The following ESYT2 variants were observed in gnomAD, a reference collection of about 807,000 sequenced individuals.
ESYT2 encodes extended synaptotagmin 2, also known as extended synaptotagmin-2.
A neutral mutation model predicts 107.2 loss-of-function variants in ESYT2; 54 were observed. The ratio of observed to expected loss-of-function variants is 0.50; its 90% CI spans 0.40 to 0.63. ESYT2 has a LOEUF of 0.63. Ranked by LOEUF, ESYT2 falls within the 30% of genes least tolerant of loss-of-function variation. ESYT2 has a pLI of 0.00. For missense variants in ESYT2, 1,020 were observed against 1,094.5 expected (o/e 0.93, Z 0.96); for synonymous variants, 491 against 434.1 (o/e 1.13, Z -1.63).
At chr7:158,822,634 A>T (rs1460849355) in intron 1 of ESYT2, among the ~76,000 whole-genome samples, 1 of 152,006 alleles carries the variant, frequency 6.6e-6, no homozygotes, top group Non-Finnish European at 1.5e-5. Flanking sequence ...ATATAAAATT[A>T]AAAAATAAAT....
At chr7:158,808,484 A>C (rs1839898580) in intron 1 of ESYT2, among the ~76,000 whole-genome samples, 1 of 152,262 alleles carries the variant, frequency 6.6e-6, no homozygotes, top group South Asian at 2.1e-4. Flanking sequence ...AAGAGAAGCC[A>C]TTGAGTGCTT....
intron 8 of ESYT2, among the ~76,000 whole-genome samples, chr7:158,765,665 G>A (rs1838132243): frequency 6.6e-6 from 1 of 152,180 alleles, no homozygotes; most frequent in Admixed American, 6.5e-5. Flanking sequence ...GAACCCAGGA[G>A]GCAGAGCTTG....
chr7:158,770,555 C>T (rs1035231238), intron 7 of ESYT2, among the ~76,000 whole-genome samples: 1 of 151,570 alleles, frequency 6.6e-6, no homozygotes, highest in Non-Finnish European at 1.5e-5. Flanking sequence ...CACTCTGTCG[C>T]CCAGGCTGGA....
At chr7:158,793,614 T>C (rs775935617) in intron 4 of ESYT2, 36 bp downstream of exon 4, 1 of 1,488,248 alleles carries the variant, frequency 6.7e-7, no homozygotes, top group Non-Finnish European at 9.4e-7. Flanking sequence ...TTACACGCCA[T>C]TAACCATAAC....
intron 6 of ESYT2, among the ~76,000 whole-genome samples, chr7:158,786,391 TTAAACA>T (rs1367026386): frequency 1.3e-5 from 2 of 152,186 alleles, no homozygotes; most frequent in African/African-American, 4.8e-5. Context: ...AGTTCGTTTC[TTAAACA>T]TAGAGGACTT....
rs554343222 is a variant in ESYT2, at chr7:158,741,085, G to A, written c.2168+438C>T. Among the ~76,000 whole-genome samples, 44 of 152,314 alleles carry A rather than the reference G, an allele frequency of 2.9e-4. No homozygotes were observed. The East Asian group carries it at 3.7e-3, about 13-fold the overall frequency. The stretch of plus-strand genomic sequence containing the variant: ...CACAGACATCCGAAGACAAACAAAA[G>A]AGACTGAGCAACAGGGATGGGATCC... On this transcript the variant is annotated intron_variant, in intron 18 of 22. Transcript: ENST00000275418.
At chr7:158,781,667 G>C (rs1250654745) in intron 6 of ESYT2, among the ~76,000 whole-genome samples, 1 of 151,924 alleles carries the variant, frequency 6.6e-6, no homozygotes, top group East Asian at 2.0e-4. Flanking sequence ...GTGAGAACAA[G>C]TGTGAGTGAA....
chr7:158,755,842 GA>G (rs1213830054), intron 13 of ESYT2, among the ~76,000 whole-genome samples: 1 of 151,556 alleles, frequency 6.6e-6, no homozygotes, highest in Non-Finnish European at 1.5e-5. Flanking sequence ...ACAGGGCGGG[GA>G]ACATCACATA....
In ESYT2 at chr7:158,798,799, G is replaced by A. The variant is rs189150573; in HGVS notation, c.372+232C>T. Among the ~76,000 whole-genome samples, 366 of 152,138 alleles carry A rather than the reference G, an allele frequency of 2.4e-3. 1 individual carries two copies. Among genetic ancestry groups the A allele is most frequent in the Non-Finnish European group, 4.0e-3 (273 of 68,014 alleles). On this transcript the variant is annotated intron_variant, in intron 2 of 22. Transcript: ENST00000275418. ...TCAGAAAAGAAGACACATGGCCAGA[G>A]ACACAAATATGCACATGCCTATACT...
chr7:158,760,212 A>C (rs962341663), intron 11 of ESYT2, 65 bp from the exon 12 acceptor site: 22 of 1,448,548 alleles, frequency 1.5e-5, no homozygotes, highest in Non-Finnish European at 2.0e-5. Flanking sequence ...AATTAAACCC[A>C]GTCTCTACAA....
intron 1 of ESYT2, among the ~76,000 whole-genome samples, chr7:158,810,688 G>GAGA (rs1554425885): frequency 3.3e-5 from 5 of 149,566 alleles, no homozygotes; most frequent in African/African-American, 4.9e-5. Flanking sequence ...TCTTGGGGGG[G>GAGA]AAAAAAAAAG....
At chr7:158,752,864 G>A (rs927301265) in intron 13 of ESYT2, 21 bp from the exon 14 acceptor site, 151 of 1,291,590 alleles carry the variant, frequency 1.2e-4, no homozygotes, top group Non-Finnish European at 1.4e-4. Context: ...AGAAGAAAAC[G>A]AATATGCCAA....
chr7:158,828,406 G>A (rs1416598073), intron 1 of ESYT2, among the ~76,000 whole-genome samples: 1 of 152,278 alleles, frequency 6.6e-6, no homozygotes, highest in African/African-American at 2.4e-5. Flanking sequence ...AGGCCCCTAA[G>A]GAGACCCCGC....
rs139838263 is a variant in ESYT2 at position 158,821,659 on chromosome 7, G to A, written c.330+7430C>T. 2.9e-3 allele frequency among the ~76,000 whole-genome samples: 447 copies of A among 152,228 alleles called. 4 individuals are homozygous for A. Among genetic ancestry groups the A allele is most frequent in the Non-Finnish European group, 4.0e-3 (274 of 68,014 alleles). On this transcript the variant is annotated intron_variant, in intron 1 of 22. Transcript: ENST00000275418. ...ACTCCTCCCAGGTCATGGGGACCTG[G>A]GCTGGGGTCTAGTGGGACCACTTCC...
chr7:158,765,368 C>T (rs1587409655), intron 8 of ESYT2, among the ~76,000 whole-genome samples: 3 of 152,284 alleles, frequency 2.0e-5, no homozygotes, highest in Admixed American at 6.5e-5. Flanking sequence ...TAATTCTATG[C>T]AATCCTGTCA....
intron 16 of ESYT2, among the ~76,000 whole-genome samples, chr7:158,744,733 T>C (rs998680975): frequency 2.6e-5 from 4 of 152,168 alleles, no homozygotes; most frequent in African/African-American, 9.7e-5. Context: ...ATGGCTGTAA[T>C]ATAAAATAAT....
chr7:158,809,668 C>T (rs953162041), intron 1 of ESYT2, among the ~76,000 whole-genome samples: 17 of 152,130 alleles, frequency 1.1e-4, no homozygotes, highest in African/African-American at 3.9e-4. Flanking sequence ...AAAATATAGA[C>T]AGTGTTAAGT....
At chr7:158,803,844 T>TCGAGAAGGGTGAGG (rs1202370127) in intron 1 of ESYT2, among the ~76,000 whole-genome samples, 1 of 71,170 alleles carries the variant, frequency 1.4e-5, no homozygotes, top group Admixed American at 1.4e-4. Context: ...ACCCAAACCG[T>TCGAGAAGGGTGAGG]CGAGAAGGGT....
Position 158,826,037 on chromosome 7 carries a change from AAAAC to A in ESYT2, c.330+3048_330+3051del, listed in dbSNP as rs1371237470. 2.0e-5 allele frequency among the ~76,000 whole-genome samples: 3 copies of A among 151,734 alleles called. 1 individual carries two copies. Among genetic ancestry groups the A allele is most frequent in the African/African-American group, 4.8e-5 (2 of 41,286 alleles). On this transcript the variant is annotated intron_variant, in intron 1 of 22. Coordinates refer to ENST00000275418, the MANE Select transcript of ESYT2 (RefSeq NM_001367773.1). ...TCATCTCTAGAAAAAAAAAAAAACA[AAAAC>A]AAACCCAAAGTGCAAGTAATACTGA... is the stretch of plus-strand genomic sequence containing the variant.
Sources: allele counts gnomAD v4.1 joint callset (sites outside exome capture counted in the v4.1 genomes callset), GRCh38; gene constraint gnomAD v4.1.1; transcripts MANE v1.5; gene names NCBI Gene and HGNC (gene_info 2026-07-23, HGNC 2026-07-21).